Variants in MTUS2 observed in about 807,000 individuals in gnomAD.
The protein encoded by MTUS2 is microtubule-associated tumor suppressor candidate 2.
MTUS2 carries 40 observed loss-of-function variants against 114.1 expected under a neutral mutation model. The ratio of observed to expected loss-of-function variants is 0.35; its 90% CI spans 0.27 to 0.46. The LOEUF is 0.46. Among genes scored for constraint, MTUS2 ranks in the 20% least tolerant of loss-of-function variants. MTUS2 has a pLI of 1.00. For synonymous variants in MTUS2, 688 were observed against 672.0 expected (o/e 1.02, Z -0.37); for missense variants, 1,679 against 1,705.4 (o/e 0.98, Z 0.27).
chr13:29,358,478 T>A (rs1270716850), intron 7 of MTUS2, among the ~76,000 whole-genome samples: 1 of 152,158 alleles, frequency 6.6e-6, no homozygotes, highest in African/African-American at 2.4e-5. Context: ...TTGCCGGCCA[T>A]GGTAAGGTGT....
chr13:29,356,330 G>C (rs1423070065), intron 7 of MTUS2, among the ~76,000 whole-genome samples: 1 of 152,202 alleles, frequency 6.6e-6, no homozygotes, highest in Non-Finnish European at 1.5e-5. Flanking sequence ...CCCTCCAGAA[G>C]TTGGCCATCT....
intron 2 of MTUS2, among the ~76,000 whole-genome samples, chr13:28,898,340 C>G (rs1484738276): frequency 6.6e-6 from 1 of 152,120 alleles, no homozygotes; most frequent in Non-Finnish European, 1.5e-5. Flanking sequence ...GATACATGGC[C>G]AAAAACACTA....
At chr13:29,273,648 T>A (rs561249261) in intron 5 of MTUS2, among the ~76,000 whole-genome samples, 1 of 152,272 alleles carries the variant, frequency 6.6e-6, no homozygotes, top group African/African-American at 2.4e-5. Flanking sequence ...CCCTATTTAA[T>A]TCGAGAACAT....
intron 4 of MTUS2, among the ~76,000 whole-genome samples, chr13:29,063,744 C>T (rs1170524184): frequency 6.6e-6 from 1 of 152,168 alleles, no homozygotes; most frequent in Admixed American, 6.5e-5. Context: ...AGAAATTTAT[C>T]AAAGTGTACA....
chr13:28,956,427 C>T (rs1435341919), intron 2 of MTUS2, among the ~76,000 whole-genome samples: 2 of 152,112 alleles, frequency 1.3e-5, no homozygotes, highest in Non-Finnish European at 2.9e-5. Context: ...CCTGCTCCAC[C>T]CCCACTGGAG....
At chr13:29,008,641 A>G (rs1885704478) in intron 2 of MTUS2, among the ~76,000 whole-genome samples, 1 of 152,236 alleles carries the variant, frequency 6.6e-6, no homozygotes, top group East Asian at 1.9e-4. Flanking sequence ...ATAGAGTTCT[A>G]GGTGGAAATC....
Position 29,256,959 on chromosome 13 carries a change from T to C in MTUS2, c.2645-24745T>C, listed in dbSNP as rs147772163. On this transcript the variant is annotated intron_variant, in intron 5 of 15. Coordinates refer to ENST00000612955, the MANE Select transcript of MTUS2 (RefSeq NM_001033602.4). ...AGGTACTTCCTCCTGGAGGTTGCCT[T>C]CTTCTGGCCTGACCTACATTGTTGC... Among the ~76,000 whole-genome samples the C allele has an allele frequency of 3.8e-3, 585 of 152,326 alleles. 6 individuals carry two copies. Among genetic ancestry groups the C allele is most frequent in the African/African-American group, 0.013 (561 of 41,564 alleles).
At chr13:29,443,562 C>T (rs1878057203) in intron 9 of MTUS2, among the ~76,000 whole-genome samples, 1 of 152,246 alleles carries the variant, frequency 6.6e-6, no homozygotes, top group Non-Finnish European at 1.5e-5. Context: ...CGCCTGGTTC[C>T]TTCAGCCCAG....
intron 2 of MTUS2, among the ~76,000 whole-genome samples, chr13:28,877,948 T>C (rs1878045412): frequency 6.6e-6 from 1 of 152,028 alleles, no homozygotes; most frequent in Non-Finnish European, 1.5e-5. Context: ...ATCCGAAAAA[T>C]GTGTTCTTTT....
chr13:29,408,410 G>T (rs571382900), intron 8 of MTUS2, among the ~76,000 whole-genome samples: 2 of 152,068 alleles, frequency 1.3e-5, no homozygotes, highest in Non-Finnish European at 2.9e-5. Flanking sequence ...CCATCTCCTG[G>T]GCTCAAGCGA....
chr13:29,281,915 A>G, intron 6 of MTUS2, 50 bp downstream of exon 6: 1 of 1,512,836 alleles, frequency 6.6e-7, no homozygotes, highest in Non-Finnish European at 8.9e-7. Context: ...CCCTTTCTGC[A>G]TTAATAAAAA....
intron 5 of MTUS2, among the ~76,000 whole-genome samples, chr13:29,201,946 T>A (rs1365450221): frequency 6.6e-6 from 1 of 152,218 alleles, no homozygotes; most frequent in Non-Finnish European, 1.5e-5. Context: ...ATTCTTTCTT[T>A]CATTTCAACC....
At chr13:29,412,887 T>G (rs933803466) in intron 8 of MTUS2, among the ~76,000 whole-genome samples, 1 of 152,158 alleles carries the variant, frequency 6.6e-6, no homozygotes, top group African/African-American at 2.4e-5. Context: ...CTGGAGGCTC[T>G]GGGGCAAAAT....
chr13:29,348,330 T>C (rs1168436517), intron 7 of MTUS2, among the ~76,000 whole-genome samples: 1 of 151,944 alleles, frequency 6.6e-6, no homozygotes, highest in Non-Finnish European at 1.5e-5. Flanking sequence ...AACAAAAGAT[T>C]CTTCTAGCAT....
rs577525094 is a variant in MTUS2, at chr13:28,985,841, C to T, written c.-242-38616C>T. Among the ~76,000 whole-genome samples the T allele has an allele frequency of 1.9e-3, 291 of 152,260 alleles. 3 individuals are homozygous for T. The highest frequency in any genetic ancestry group is 6.5e-3 in the African/African-American group (271 of 41,542). Reference sequence around the variant, plus strand: ...CAGTTTTAGGCCTGGATAGCCCTCTCCTGAGCAAGAGGGAAGTCTGCCTAC... The same window carrying T: ...CAGTTTTAGGCCTGGATAGCCCTCTTCTGAGCAAGAGGGAAGTCTGCCTAC... On this transcript the variant is annotated intron_variant, in intron 2 of 15. Transcript: ENST00000612955.
chr13:29,435,745 C>T (rs2138662122), intron 8 of MTUS2, among the ~76,000 whole-genome samples: 1 of 152,310 alleles, frequency 6.6e-6, no homozygotes, highest in South Asian at 2.1e-4. Context: ...AAGTAACTTA[C>T]TTTATGCAGA....
At chr13:28,836,373 A>G (rs964235933) in intron 1 of MTUS2, among the ~76,000 whole-genome samples, 2 of 152,202 alleles carry the variant, frequency 1.3e-5, no homozygotes, top group Admixed American at 6.5e-5. Context: ...TCAGAGACAC[A>G]GCATGGTATA....
intron 9 of MTUS2, among the ~76,000 whole-genome samples, chr13:29,461,001 T>C (rs571418430): frequency 6.6e-5 from 10 of 152,322 alleles, no homozygotes; most frequent in Admixed American, 5.9e-4. Flanking sequence ...GGTGTCTTAG[T>C]CCATTTTGTG....
In MTUS2 at chr13:29,504,206, G is replaced by C. The variant is rs1883087982; in HGVS notation, c.*1000G>C. ...CTGCCAAGGTCTGTATTTTGACCAG[G>C]CACAGAGGGGGAACATCACTCCAGC... is the stretch of plus-strand genomic sequence containing the variant. On this transcript the variant is annotated 3_prime_UTR_variant, in exon 16 of 16. Coordinates refer to ENST00000612955, the MANE Select transcript of MTUS2 (RefSeq NM_001033602.4). The C allele has an allele frequency of 4.3e-5, 10 of 232,006 alleles. No individual in the cohort carries two copies. Among genetic ancestry groups the C allele is most frequent in the Non-Finnish European group, 6.8e-5 (8 of 117,186 alleles). The allele number at this position is 232,006 out of a possible 1,614,324, so 14.4% of individuals were successfully genotyped here. A position where few individuals can be genotyped will look rare whatever the true frequency, so the allele number is the denominator to read the frequency against.
Sources: allele counts gnomAD v4.1 joint callset (sites outside exome capture counted in the v4.1 genomes callset), GRCh38; gene constraint gnomAD v4.1.1; transcripts MANE v1.5; gene names NCBI Gene and HGNC (gene_info 2026-07-23, HGNC 2026-07-21).